The following RORB variants were observed in gnomAD, a reference collection of about 807,000 sequenced individuals.
The protein encoded by RORB is RAR related orphan receptor B.
In RORB, 6 loss-of-function variants were observed where a neutral mutation model predicts 59.1. That is an observed-to-expected ratio of 0.10 (90% CI 0.06 to 0.20). The LOEUF is 0.20. Among genes scored for constraint, RORB ranks in the 10% least tolerant of loss-of-function variants. RORB has a pLI of 1.00. For missense variants in RORB, 320 were observed against 560.5 expected (o/e 0.57, Z 4.33); for synonymous variants, 215 against 204.5 (o/e 1.05, Z -0.44).
At chr9:74,665,895 A>G (rs73549414) in intron 7 of RORB, among the ~76,000 whole-genome samples, 7,719 of 152,250 alleles carry the variant, frequency 0.051, 637 homozygotes, top group African/African-American at 0.18. Context: ...TAATCCTAGA[A>G]CTTTGGGAGG....
At chr9:74,678,629 G>C (rs1824488087) in intron 9 of RORB, among the ~76,000 whole-genome samples, 1 of 152,174 alleles carries the variant, frequency 6.6e-6, no homozygotes, top group Non-Finnish European at 1.5e-5. Flanking sequence ...TTGATTTGTA[G>C]ATGGAGTCTA....
At position 74,572,785 on chromosome 9, in the gene RORB, T is replaced by A. The variant is rs1340527066; in HGVS notation, c.8-57497T>A. 3.3e-5 allele frequency among the ~76,000 whole-genome samples: 5 copies of A among 152,304 alleles called. No individual in the cohort carries two copies. The East Asian group carries it at 9.6e-4, about 29-fold the overall frequency. ...CTTAATTACTTTATATGTTTCCTCA[T>A]CCAGGTGTAACATGACAATATAAGT... On this transcript the variant is annotated intron_variant, in intron 1 of 9. Coordinates refer to ENST00000376896, the MANE Select transcript of RORB (RefSeq NM_006914.4).
rs1824709882 is a variant in RORB, at chr9:74,689,764, T to C, written c.*4146T>C. 6.6e-6 allele frequency: 1 copy of C among 152,196 alleles called. No individual in the cohort carries two copies. The highest frequency in any genetic ancestry group is 2.4e-5 in the African/African-American group (1 of 41,434). 9.4% of individuals were successfully genotyped at this position (152,196 alleles called of 1,614,324 possible). ...TGCTCACTCTCTACAATGCAATGTG[T>C]ACGAGGCTTGAAGGCAAAAACAATT... On this transcript the variant is annotated 3_prime_UTR_variant, in exon 10 of 10. Coordinates refer to ENST00000376896, the MANE Select transcript of RORB (RefSeq NM_006914.4).
intron 1 of RORB, among the ~76,000 whole-genome samples, chr9:74,624,712 CAG>C (rs1823482242): frequency 6.6e-6 from 1 of 152,060 alleles, no homozygotes; most frequent in South Asian, 2.1e-4. Context: ...AGAGTACAAA[CAG>C]AGATTTTTAA....
At chr9:74,535,390 T>A (rs1211673008) in intron 1 of RORB, among the ~76,000 whole-genome samples, 1 of 151,990 alleles carries the variant, frequency 6.6e-6, no homozygotes, top group East Asian at 1.9e-4. Flanking sequence ...CTAATGAGAA[T>A]ATGTGTATGT....
chr9:74,658,024 A>AAAAT (rs1824115828), intron 4 of RORB, among the ~76,000 whole-genome samples: 1 of 129,440 alleles, frequency 7.7e-6, no homozygotes. Flanking sequence ...AAAAAAAAAA[A>AAAAT]AAAAGAAAAG....
chr9:74,661,586 G>A (rs946514930), intron 5 of RORB, among the ~76,000 whole-genome samples: 1 of 149,746 alleles, frequency 6.7e-6, no homozygotes, highest in Non-Finnish European at 1.5e-5. Flanking sequence ...CTGAACTTAG[G>A]TGAATGATTT....
intron 6 of RORB, among the ~76,000 whole-genome samples, chr9:74,663,924 A>G (rs375452528): frequency 6.6e-6 from 1 of 152,298 alleles, no homozygotes; most frequent in South Asian, 2.1e-4. Context: ...GATTTTTCTA[A>G]CTTAGCTTCA....
intron 1 of RORB, among the ~76,000 whole-genome samples, chr9:74,614,381 C>CT (rs558813750): frequency 5.1e-4 from 77 of 151,296 alleles, no homozygotes; most frequent in South Asian, 6.3e-4. Context: ...AAGACAACCT[C>CT]TTTTTTTTAA....
At chr9:74,575,129 C>G (rs1274782507) in intron 1 of RORB, among the ~76,000 whole-genome samples, 2 of 152,132 alleles carry the variant, frequency 1.3e-5, no homozygotes, top group Admixed American at 1.3e-4. Flanking sequence ...TAGACTGTGC[C>G]TCTCTCAGTA....
intron 1 of RORB, among the ~76,000 whole-genome samples, chr9:74,591,477 C>T (rs1215859332): frequency 6.6e-6 from 1 of 152,124 alleles, no homozygotes; most frequent in Non-Finnish European, 1.5e-5. Flanking sequence ...GAAAAGAAAA[C>T]TCCAGATTTA....
At chr9:74,676,184 G>T (rs1451861857) in intron 9 of RORB, among the ~76,000 whole-genome samples, 1 of 152,134 alleles carries the variant, frequency 6.6e-6, no homozygotes, top group Non-Finnish European at 1.5e-5. Context: ...CATAGCTGGA[G>T]CCTTGCTTAA....
intron 9 of RORB, among the ~76,000 whole-genome samples, chr9:74,684,290 G>A (rs1023742902): frequency 2.6e-5 from 4 of 152,182 alleles, no homozygotes; most frequent in Admixed American, 2.6e-4. Context: ...AGGCTGAAAT[G>A]GATTCTTGTT....
chr9:74,567,819 T>C (rs1358211658), intron 1 of RORB, among the ~76,000 whole-genome samples: 1 of 152,196 alleles, frequency 6.6e-6, no homozygotes, highest in Non-Finnish European at 1.5e-5. Context: ...TTCGAAGGCA[T>C]TGCATGTATG....
chr9:74,582,333 T>C (rs1822737101), intron 1 of RORB, among the ~76,000 whole-genome samples: 1 of 152,174 alleles, frequency 6.6e-6, no homozygotes, highest in Non-Finnish European at 1.5e-5. Context: ...TTTTCCTATG[T>C]GTACAATAAA....
chr9:74,647,323 A>G (rs750167595), intron 4 of RORB, among the ~76,000 whole-genome samples: 7 of 152,226 alleles, frequency 4.6e-5, no homozygotes, highest in African/African-American at 7.2e-5. Context: ...GGAATTCTGC[A>G]GGACTAATAC....
intron 1 of RORB, among the ~76,000 whole-genome samples, chr9:74,595,527 T>C (rs1312413762): frequency 1.3e-5 from 2 of 152,242 alleles, no homozygotes; most frequent in African/African-American, 2.4e-5. Flanking sequence ...CTTTACTGTC[T>C]GCCAATTAAA....
chr9:74,563,631 A>G (rs1210278834), intron 1 of RORB, among the ~76,000 whole-genome samples: 12 of 152,216 alleles, frequency 7.9e-5, no homozygotes, highest in Admixed American at 5.9e-4. Flanking sequence ...GAAGTTGTAC[A>G]TTTTTGACAG....
chr9:74,519,778 T>G (rs927619594), intron 1 of RORB, among the ~76,000 whole-genome samples: 2 of 151,924 alleles, frequency 1.3e-5, no homozygotes, highest in African/African-American at 4.8e-5. Flanking sequence ...CTTTTTAATT[T>G]CTTAAATTAA....
Sources: allele counts gnomAD v4.1 joint callset (sites outside exome capture counted in the v4.1 genomes callset), GRCh38; gene constraint gnomAD v4.1.1; transcripts MANE v1.5; gene names NCBI Gene and HGNC (gene_info 2026-07-23, HGNC 2026-07-21).